Variants in MAST1 observed in about 807,000 individuals in gnomAD.
The protein encoded by MAST1 is microtubule associated serine/threonine kinase 1.
Under a neutral mutation model 124.6 loss-of-function variants are expected in MAST1, and 40 were observed. The ratio of observed to expected loss-of-function variants is 0.32; its 90% CI spans 0.25 to 0.42. The LOEUF is 0.42. Ranked by LOEUF, MAST1 falls within the 10% of genes least tolerant of loss-of-function variation. The probability of loss-of-function intolerance (pLI) is 1.00; values close to 1 mark genes in which losing one functional copy is unlikely to be tolerated. For missense variants in MAST1, 1,558 were observed against 2,181.9 expected, an observed-to-expected ratio of 0.71 and a Z score of 5.70; for synonymous variants, 938 against 939.4, an observed-to-expected ratio of 1.00 and a Z score of 0.03.
chr19:12,870,545 C>T (rs1970219576), intron 22 of MAST1, among the ~76,000 whole-genome samples: 1 of 149,576 alleles, frequency 6.7e-6, no homozygotes, highest in South Asian at 2.1e-4. Context: ...GCCTATAATC[C>T]CAGCTACTTG....
rs1969906837 is a variant in MAST1, at chr19:12,847,407, G to T, written c.445G>T (p.Gly149Cys). 1 of 1,613,922 alleles carries T rather than the reference G, an allele frequency of 6.2e-7. No homozygotes were observed. The change falls in exon 5 of 26, where the codon GGC becomes TGC. Residue 149 changes from glycine (G) to cysteine (C), a missense_variant. Transcript: ENST00000251472. This position sits in a 1 kb window ranked among gnomAD's most constrained non-coding sequence, Gnocchi z 5.5. ...CGAGAGCATCACAGACGAGGATGGT[G>T]GCCGTCGCTCCCCAGCCGTGCGGCC... ...STESITDEDG[G>C]RRSPAVRPRS...
chr19:12,864,354 A>G lies in MAST1; in HGVS notation c.1367-455A>G, dbSNP rs1370081801. 4.0e-5 allele frequency among the ~76,000 whole-genome samples: 6 copies of G among 150,016 alleles called. No individual in the cohort carries two copies. The East Asian group carries it at 1.2e-3, about 30-fold the overall frequency. Reference sequence around the variant, plus strand: ...GGATGCAGTGAGCTGTGATCTTGCCACCGCACTCTAGACTGGGCAATGGAG... The same window carrying G: ...GGATGCAGTGAGCTGTGATCTTGCCGCCGCACTCTAGACTGGGCAATGGAG... On this transcript the variant is annotated intron_variant, in intron 12 of 25. Transcript: ENST00000251472.
At chr19:12,839,030 T>C (rs1969795104) in intron 1 of MAST1, among the ~76,000 whole-genome samples, 1 of 151,598 alleles carries the variant, frequency 6.6e-6, no homozygotes, top group African/African-American at 2.4e-5. Flanking sequence ...CGCGTGCTCC[T>C]GGACGCGCTA....
chr19:12,843,586 C>A lies in MAST1; in HGVS notation c.306C>A (p.Asn102Lys). The part of the protein sequence containing the change: ...ASLPSSGYGT[N>K]TPSSTVSSSC... The stretch of plus-strand genomic sequence containing the variant: ...TCCCTTCATCTGGCTATGGCACCAA[C>A]ACGCCCAGTTCCACCGTCTCGGTGA... The change falls in exon 4 of 26, where the codon AAC (asparagine) becomes AAA (lysine). Residue 102 changes from asparagine to lysine, a missense_variant. By Grantham distance (94) the Asn-to-Lys change is moderately conservative. Around this residue, in one of 10 missense-constraint regions of MAST1, gnomAD observed 165 missense variants for 315.3 expected, o/e 0.52. Coordinates refer to ENST00000251472, the MANE Select transcript of MAST1 (RefSeq NM_014975.3). This position sits in a 1 kb window ranked among gnomAD's most constrained non-coding sequence, Gnocchi z 4.9. The A allele has an allele frequency of 6.2e-7, 1 of 1,613,656 alleles. No homozygotes were observed. The highest frequency in any genetic ancestry group is 8.5e-7 in the Non-Finnish European group (1 of 1,179,870).
In MAST1 at chr19:12,874,474, G is replaced by A; in HGVS notation, c.4317G>A (p.Glu1439=). The A allele has an allele frequency of 6.3e-7, 1 of 1,579,858 alleles. No individual in the cohort carries two copies. Among genetic ancestry groups the A allele is most frequent in the Non-Finnish European group, 8.6e-7 (1 of 1,167,302 alleles). The part of the protein sequence containing the change: ...AGTPLVPIVV[E]PARPGAKAVV... Reference sequence around the variant, plus strand: ...CACCCCTGGTACCCATTGTCGTAGAGCCTGCGCGGCCCGGGGCTAAGGCTG... The same window carrying A: ...CACCCCTGGTACCCATTGTCGTAGAACCTGCGCGGCCCGGGGCTAAGGCTG... Residue 1439 remains glutamate, a synonymous_variant, in exon 26 of 26, where the codon GAG becomes GAA. Coordinates refer to ENST00000251472, the MANE Select transcript of MAST1 (RefSeq NM_014975.3). This position sits in a 1 kb window ranked among gnomAD's most constrained non-coding sequence, Gnocchi z 6.6.
rs374373504 is a variant in MAST1, at chr19:12,870,976, G to A, written c.3126+30G>A. ...GTGCAGGGAAGGAGGCACCCTGGGC[G>A]GAGGGTGGGGGAGGCCTGAGCAGCC... On this transcript the variant is annotated intron_variant, in intron 23 of 25. Coordinates refer to ENST00000251472, the MANE Select transcript of MAST1 (RefSeq NM_014975.3). 5.7e-5 allele frequency: 92 copies of A among 1,613,426 alleles called. No homozygotes were observed. The East Asian group carries it at 8.2e-4, about 14-fold the overall frequency.
At chr19:12,869,867 A>G (rs926886466) in intron 22 of MAST1, among the ~76,000 whole-genome samples, 2 of 151,040 alleles carry the variant, frequency 1.3e-5, no homozygotes, top group African/African-American at 4.9e-5. Flanking sequence ...AGCCTGGCCA[A>G]TATGGTGAAA....
chr19:12,838,718 C>A lies in MAST1; in HGVS notation c.83+63C>A. The A allele has an allele frequency of 6.7e-7, 1 of 1,497,304 alleles. No individual in the cohort carries two copies. Among genetic ancestry groups the A allele is most frequent in the Non-Finnish European group, 9.2e-7 (1 of 1,087,674 alleles). The allele number at this position is 1,497,304 out of a possible 1,614,324, so 92.8% of individuals were successfully genotyped here. A position where few individuals can be genotyped will look rare whatever the true frequency, so the allele number is the denominator to read the frequency against. On this transcript the variant is annotated intron_variant, in intron 1 of 25. Coordinates refer to ENST00000251472, the MANE Select transcript of MAST1 (RefSeq NM_014975.3). This position sits in a 1 kb window ranked among gnomAD's most constrained non-coding sequence, Gnocchi z 4.3. ...CCCGCAAAAGCCGCCGCTCCGGGTA[C>A]TGCTGCAGGGCGGGGCCCGGGATGC...
chr19:12,844,747 G>C (rs1260061618), intron 4 of MAST1, among the ~76,000 whole-genome samples: 1 of 152,146 alleles, frequency 6.6e-6, no homozygotes, highest in Non-Finnish European at 1.5e-5. Context: ...ATGCGGGGGA[G>C]GAATAGAGAT....
intron 12 of MAST1, among the ~76,000 whole-genome samples, chr19:12,862,743 C>A (rs10425316): frequency 0.017 from 2,581 of 151,158 alleles, 75 homozygotes; most frequent in African/African-American, 0.06. Context: ...TCTTGGCTCA[C>A]CGCAACCTCC....
At chr19:12,868,535 A>T in intron 20 of MAST1, 108 bp from the exon 21 acceptor site, 1 of 941,698 alleles carries the variant, frequency 1.1e-6, no homozygotes, top group Non-Finnish European at 1.6e-6. Flanking sequence ...GATGAAACTC[A>T]CCATCCATCA....
chr19:12,867,463 A>G lies in MAST1; in HGVS notation c.2140-11A>G. On this transcript the variant is annotated splice_polypyrimidine_tract_variant and intron_variant, in intron 18 of 25. Transcript: ENST00000251472. ...ACCCGGGCTGGACTTGCCTCCCACC[A>G]CCACCTACAGGTGTATAGCAGCATG... 1.2e-6 allele frequency: 2 copies of G among 1,612,562 alleles called. No homozygotes were observed.
At position 12,873,924 on chromosome 19, in the gene MAST1, C is replaced by G; in HGVS notation, c.3767C>G (p.Pro1256Arg). 1 of 1,587,498 alleles carries G rather than the reference C, an allele frequency of 6.3e-7. No homozygotes were observed. The highest frequency in any genetic ancestry group is 8.5e-7 in the Non-Finnish European group (1 of 1,174,746). Residue 1256 changes from proline to arginine, a missense_variant, in exon 26 of 26, where the codon CCT becomes CGT. Physicochemically the swap from Pro to Arg is moderately radical, Grantham distance 103. This residue lies in a region of MAST1 where 263 missense variants were observed against 310.9 expected (regional missense o/e 0.85). Coordinates refer to ENST00000251472, the MANE Select transcript of MAST1 (RefSeq NM_014975.3). ...CCGCGCCCCAAGAGTGCCGAGCCCC[C>G]TCGCTCGCCGCTCCTCAAGCGCGTG... is the stretch of plus-strand genomic sequence containing the variant. Reference protein sequence around the residue: ...VRPRPKSAEPPRSPLLKRVQS... With the variant: ...VRPRPKSAEPRRSPLLKRVQS...
chr19:12,868,679 C>T lies in MAST1; in HGVS notation c.2603C>T (p.Ser868Leu). 2 of 1,609,674 alleles carry T rather than the reference C, an allele frequency of 1.2e-6. No individual in the cohort carries two copies. The highest frequency in any genetic ancestry group is 1.7e-6 in the Non-Finnish European group (2 of 1,177,070). ...CGCCCAGGTGACCTCTGCCCACCCT[C>T]GAAGGATGGGGATGCATCAGGCCCA... ...RPRPGDLCPP[S>L]KDGDASGPRA... Residue 868 changes from serine (S) to leucine (L), a missense_variant, in exon 21 of 26, where the codon TCG becomes TTG. By Grantham distance (145) the Ser-to-Leu change is moderately radical (BLOSUM62 -2). Around this residue, in one of 10 missense-constraint regions of MAST1, gnomAD observed 287 missense variants for 308.0 expected, o/e 0.93. Coordinates refer to ENST00000251472, the MANE Select transcript of MAST1 (RefSeq NM_014975.3).
chr19:12,839,010 A>AC (rs1265923808), intron 1 of MAST1, among the ~76,000 whole-genome samples: 1 of 150,116 alleles, frequency 6.7e-6, no homozygotes, highest in East Asian at 2.0e-4. Context: ...GCCTCCCCCC[A>AC]CCCCCATGCC....
chr19:12,866,671 A>G lies in MAST1; in HGVS notation c.2048A>G (p.His683Arg), dbSNP rs933199279. Residue 683 changes from histidine to arginine, a missense_variant, in exon 18 of 26, where the codon CAC (histidine) becomes CGC (arginine). His to Arg is a conservative substitution (Grantham distance 29, BLOSUM62 0). Around this residue, in one of 10 missense-constraint regions of MAST1, gnomAD observed 145 missense variants for 350.0 expected, o/e 0.41. Transcript: ENST00000251472. This position sits in a 1 kb window ranked among gnomAD's most constrained non-coding sequence, Gnocchi z 5.2. Reference sequence around the variant, plus strand: ...TCCCCAGCCCGCTCAGACAGGTATCACCACGTGAACTCCTATGACGAGGAT... The same window carrying G: ...TCCCCAGCCCGCTCAGACAGGTATCGCCACGTGAACTCCTATGACGAGGAT... ...SYFDTRSDRY[H>R]HVNSYDEDDT... is the part of the protein sequence containing the mutation. 4 of 1,613,622 alleles carry G rather than the reference A, an allele frequency of 2.5e-6. No homozygotes were observed. In the African/African-American group the frequency reaches 5.3e-5, roughly 22 times the overall value.
At chr19:12,851,183 A>C (rs1969954916) in intron 7 of MAST1, among the ~76,000 whole-genome samples, 1 of 151,826 alleles carries the variant, frequency 6.6e-6, no homozygotes, top group Admixed American at 6.6e-5. Flanking sequence ...CCTGACCTCA[A>C]GTAATTCACC....
At chr19:12,844,007 A>G (rs1018620905) in intron 4 of MAST1, among the ~76,000 whole-genome samples, 3 of 152,162 alleles carry the variant, frequency 2.0e-5, no homozygotes, top group Admixed American at 2.0e-4. Flanking sequence ...GTCTCAAAAG[A>G]AAAAAGCAAA....
At chr19:12,850,952 CTT>C (rs201211037) in intron 7 of MAST1, among the ~76,000 whole-genome samples, 29 of 137,538 alleles carry the variant, frequency 2.1e-4, no homozygotes, top group East Asian at 2.1e-4. Context: ...TTTTTCTTTT[CTT>C]TTTTTTTTTT....
Sources: gnomAD v4.1 joint callset for allele counts (sites outside exome capture counted in the v4.1 genomes callset) on GRCh38, gnomAD v4.1.1 for gene constraint, gnomAD v4.1.1 regional missense constraint, Gnocchi (gnomAD v3.1) non-coding constraint, MANE v1.5 for transcripts, NCBI Gene and HGNC (gene_info 2026-07-23, HGNC 2026-07-21) for gene names.